STAU2: variants seen among roughly 807,000 people sequenced by gnomAD.
STAU2 encodes the protein staufen double-stranded RNA binding protein 2.
STAU2 carries 20 observed loss-of-function variants against 65.9 expected under a neutral mutation model. That is an observed-to-expected ratio of 0.30 (90% CI 0.21 to 0.44). The LOEUF is 0.44. Ranked by LOEUF, STAU2 falls within the 20% of genes least tolerant of loss-of-function variation. The pLI, the probability that STAU2 is intolerant of heterozygous loss-of-function variation, is 1.00. For missense variants in STAU2, 558 were observed against 683.9 expected, an observed-to-expected ratio of 0.82 and a Z score of 2.05; for synonymous variants, 232 against 233.9, an observed-to-expected ratio of 0.99 and a Z score of 0.07.
chr8:73,519,341 G>C (rs888773896), intron 13 of STAU2, among the ~76,000 whole-genome samples: 1 of 152,092 alleles, frequency 6.6e-6, no homozygotes, highest in Non-Finnish European at 1.5e-5. Context: ...AACCTATGAC[G>C]TCTCTTTAGA....
chr8:73,430,416 C>T (rs1018094103), intron 13 of STAU2, among the ~76,000 whole-genome samples: 4 of 152,184 alleles, frequency 2.6e-5, no homozygotes, highest in African/African-American at 9.7e-5. Flanking sequence ...CCCTGCTCAC[C>T]ATGAGCTCAA....
intron 3 of STAU2, among the ~76,000 whole-genome samples, chr8:73,716,995 G>C (rs938575088): frequency 1.3e-5 from 2 of 152,100 alleles, no homozygotes; most frequent in Non-Finnish European, 2.9e-5. Context: ...CACCTACTCA[G>C]GAGGCTGAGG....
chr8:73,715,045 T>C (rs1221763108), intron 3 of STAU2, among the ~76,000 whole-genome samples: 1 of 143,842 alleles, frequency 7.0e-6, no homozygotes, highest in Non-Finnish European at 1.5e-5. Context: ...ATCGCACCAC[T>C]GCACTCCACC....
chr8:73,472,687 C>T (rs1454697605), intron 13 of STAU2, among the ~76,000 whole-genome samples: 1 of 151,590 alleles, frequency 6.6e-6, no homozygotes, highest in Non-Finnish European at 1.5e-5. Context: ...GTAAGGATGG[C>T]TCATATAATA....
chr8:73,564,869 T>A (rs1214281888), intron 12 of STAU2, among the ~76,000 whole-genome samples: 4 of 152,108 alleles, frequency 2.6e-5, no homozygotes, highest in Admixed American at 6.5e-5. Context: ...ATATGCATAT[T>A]AGGTTCACTG....
At position 73,422,607 on chromosome 8, in the gene STAU2, T is replaced by C. The variant is rs757254148; in HGVS notation, c.1619+7A>G. The C allele has an allele frequency of 4.6e-6, 7 of 1,505,830 alleles. 1 individual carries two copies. The South Asian group carries it at 9.1e-5, about 20-fold the overall frequency. 93.3% of individuals were successfully genotyped at this position (1,505,830 alleles called of 1,614,324 possible). ...AGTGTAAGAATACTGACAGGGGATT[T>C]ACTCACTTTTCAAGAGAACCTTTTT... On this transcript the variant is annotated splice_region_variant and intron_variant, in intron 14 of 14. Coordinates refer to ENST00000524300, the MANE Select transcript of STAU2 (RefSeq NM_001164380.2).
At chr8:73,453,432 A>C (rs999096418) in intron 13 of STAU2, among the ~76,000 whole-genome samples, 1 of 152,218 alleles carries the variant, frequency 6.6e-6, no homozygotes, top group Non-Finnish European at 1.5e-5. Flanking sequence ...ATGACTATGT[A>C]AGCATATCTT....
intron 13 of STAU2, among the ~76,000 whole-genome samples, chr8:73,433,662 G>C (rs1457087589): frequency 6.6e-6 from 1 of 151,680 alleles, no homozygotes; most frequent in South Asian, 2.1e-4. Context: ...CACTATGCCT[G>C]AGAAATTTTT....
At chr8:73,721,409 C>T (rs1199108810) in intron 3 of STAU2, among the ~76,000 whole-genome samples, 1 of 147,080 alleles carries the variant, frequency 6.8e-6, no homozygotes, top group Non-Finnish European at 1.5e-5. Flanking sequence ...GTAGAGTGTT[C>T]TATAAATGCA....
At chr8:73,467,252 G>T (rs1819706685) in intron 13 of STAU2, among the ~76,000 whole-genome samples, 1 of 152,302 alleles carries the variant, frequency 6.6e-6, no homozygotes, top group Admixed American at 6.5e-5. Context: ...GTTCTTCTCG[G>T]CCGGGCGCAG....
At chr8:73,592,869 C>CA (rs150145745) in intron 11 of STAU2, among the ~76,000 whole-genome samples, 12,012 of 151,940 alleles carry the variant, frequency 0.079, 954 homozygotes, top group East Asian at 0.39. Flanking sequence ...AAAAAAACAA[C>CA]AAAAAAATCC....
intron 13 of STAU2, among the ~76,000 whole-genome samples, chr8:73,425,498 G>C (rs923138855): frequency 6.6e-6 from 1 of 152,074 alleles, no homozygotes; most frequent in Admixed American, 6.6e-5. Context: ...TGAACTTCTA[G>C]CCTCCAGAAC....
At chr8:73,666,000 C>G (rs886544126) in intron 6 of STAU2, among the ~76,000 whole-genome samples, 1 of 152,146 alleles carries the variant, frequency 6.6e-6, no homozygotes, top group African/African-American at 2.4e-5. Flanking sequence ...AATGTCTGTA[C>G]ATGTTCAATA....
At chr8:73,679,595 A>C (rs753048207) in intron 5 of STAU2, among the ~76,000 whole-genome samples, 24 of 152,132 alleles carry the variant, frequency 1.6e-4, no homozygotes, top group Non-Finnish European at 3.4e-4. Flanking sequence ...AAAGTAGAAG[A>C]AGCAGGCCAG....
upstream of STAU2, chr8:73,747,422 G>A: frequency 6.5e-7 from 1 of 1,535,212 alleles, no homozygotes; most frequent in Non-Finnish European, 8.7e-7. Context: ...TCTGTGCTGT[G>A]CAGGGGACGC....
At chr8:73,543,889 G>GT (rs1563411502) in intron 13 of STAU2, among the ~76,000 whole-genome samples, 1 of 152,056 alleles carries the variant, frequency 6.6e-6, no homozygotes, top group Non-Finnish European at 1.5e-5. Context: ...TCTCAAATCT[G>GT]TATGTACCAT....
intron 13 of STAU2, chr8:73,551,073 C>T (rs1807302172): frequency 1.0e-6 from 1 of 987,050 alleles, no homozygotes. Flanking sequence ...AAGCAATACA[C>T]TCTCTACACA....
In STAU2 at chr8:73,613,942, A is replaced by G; in HGVS notation, c.693T>C (p.Ser231=). 6.2e-7 allele frequency: 1 copy of G among 1,607,436 alleles called. No homozygotes were observed. The highest frequency in any genetic ancestry group is 8.5e-7 in the Non-Finnish European group (1 of 1,178,158). Residue 231 remains serine, a synonymous_variant, in exon 9 of 15, where the codon AGT becomes AGC. Transcript: ENST00000524300. ...CAAAGCTTTTCATATGTGGTGGTCC[A>G]CTTTCTTTAATAACCTATTAAATAC... ...MPVSFEVIKE[S]GPPHMKSFVT...
intron 13 of STAU2, among the ~76,000 whole-genome samples, chr8:73,434,889 C>T (rs1563588772): frequency 6.6e-6 from 1 of 151,970 alleles, no homozygotes; most frequent in African/African-American, 2.4e-5. Flanking sequence ...CCATTAATAA[C>T]TCCCGCCCCT....
Sources: gnomAD v4.1 joint callset for allele counts (sites outside exome capture counted in the v4.1 genomes callset) on GRCh38, gnomAD v4.1.1 for gene constraint, MANE v1.5 for transcripts, NCBI Gene and HGNC (gene_info 2026-07-23, HGNC 2026-07-21) for gene names.